Variants in ADD3 observed in about 807,000 individuals in gnomAD.
ADD3 encodes the protein adducin 3, also known as gamma-adducin.
A neutral mutation model predicts 80.2 loss-of-function variants in ADD3; 25 were observed. That is an observed-to-expected ratio of 0.31 (90% CI 0.23 to 0.44). The LOEUF (loss-of-function observed/expected upper bound fraction) is 0.44, where lower values mean the gene tolerates loss of function less well. Ranked by LOEUF, ADD3 falls within the 20% of genes least tolerant of loss-of-function variation. The pLI is 1.00. For synonymous variants in ADD3, 284 were observed against 289.6 expected (o/e 0.98, Z 0.20); for missense variants, 829 against 847.5 (o/e 0.98, Z 0.27).
At chr10:110,126,698 T>C (rs531370619) in intron 12 of ADD3, among the ~76,000 whole-genome samples, 195 bp downstream of exon 12, 7 of 152,346 alleles carry the variant, frequency 4.6e-5, no homozygotes, top group Non-Finnish European at 8.8e-5. Context: ...TTGCTTCTAA[T>C]GTTTACTTTG....
intron 13 of ADD3, among the ~76,000 whole-genome samples, chr10:110,131,726 A>G (rs1321457085): frequency 1.3e-5 from 2 of 152,180 alleles, no homozygotes; most frequent in Admixed American, 1.3e-4. Flanking sequence ...TCTGTTTTTC[A>G]TATTTTGTAA....
At chr10:110,053,302 G>C (rs996411158) in intron 1 of ADD3, among the ~76,000 whole-genome samples, 21 of 151,800 alleles carry the variant, frequency 1.4e-4, no homozygotes, top group African/African-American at 4.6e-4. Flanking sequence ...GGATTTTTTT[G>C]TTGTTGTGGC....
intron 1 of ADD3, among the ~76,000 whole-genome samples, chr10:110,016,246 G>C (rs12571773): frequency 0.27 from 40,426 of 152,086 alleles, 7,832 homozygotes; most frequent in African/African-American, 0.53. Flanking sequence ...TTTCCTTACA[G>C]AACTCAGCCA....
At chr10:110,032,192 T>A (rs1442614969) in intron 1 of ADD3, among the ~76,000 whole-genome samples, 1 of 152,192 alleles carries the variant, frequency 6.6e-6, no homozygotes. Flanking sequence ...AGAATAAGCA[T>A]ATTAAGCTGG....
chr10:110,117,229 G>GT (rs374645445), intron 4 of ADD3, 113 bp from the exon 5 acceptor site: 13,893 of 512,410 alleles, frequency 0.027, no homozygotes, highest in South Asian at 0.031. Flanking sequence ...TGCTTTGTTG[G>GT]TTTTTTTTTT....
chr10:110,069,697 C>T (rs1304610176), intron 1 of ADD3, among the ~76,000 whole-genome samples: 1 of 152,162 alleles, frequency 6.6e-6, no homozygotes, highest in African/African-American at 2.4e-5. Context: ...CTAGAACATT[C>T]TTATGCCTCT....
intron 1 of ADD3, among the ~76,000 whole-genome samples, chr10:110,070,669 A>G (rs551836728): frequency 3.1e-4 from 47 of 152,290 alleles, no homozygotes; most frequent in African/African-American, 1.1e-3. Flanking sequence ...TAGCAAATCT[A>G]TCAACCATTG....
intron 6 of ADD3, 22 bp from the exon 7 acceptor site, chr10:110,119,189 T>C (rs537564625): frequency 1.9e-6 from 3 of 1,612,196 alleles, no homozygotes; most frequent in South Asian, 1.1e-5. Flanking sequence ...TGTGTTATCT[T>C]GGTATGGGCC....
At chr10:110,104,072 A>G (rs1203904494) in intron 2 of ADD3, among the ~76,000 whole-genome samples, 1 of 152,164 alleles carries the variant, frequency 6.6e-6, no homozygotes, top group Non-Finnish European at 1.5e-5. Context: ...CCTTAAGTAC[A>G]GGTCCTGTCA....
At chr10:110,101,659 A>G (rs1027551160) in intron 2 of ADD3, among the ~76,000 whole-genome samples, 2 of 151,344 alleles carry the variant, frequency 1.3e-5, no homozygotes, top group Non-Finnish European at 2.9e-5. Flanking sequence ...AAAAAATTCA[A>G]CTCAAGTGGA....
chr10:110,117,335 T>C lies in ADD3; in HGVS notation c.487-7T>C, dbSNP rs200333587. ...TCATAGTAATTCCCTGTTGTTTTTT[T>C]TTCCAGGTAAGAATAAGTAAGGAGC... On this transcript the variant is annotated splice_region_variant and splice_polypyrimidine_tract_variant and intron_variant, in intron 4 of 14. Transcript: ENST00000356080. The C allele has an allele frequency of 2.0e-5, 31 of 1,540,828 alleles. No individual in the cohort carries two copies. The highest frequency in any genetic ancestry group is 2.8e-5 in the Non-Finnish European group (31 of 1,119,244).
chr10:110,127,673 A>G (rs1301104834), intron 12 of ADD3, among the ~76,000 whole-genome samples: 1 of 152,224 alleles, frequency 6.6e-6, no homozygotes, highest in African/African-American at 2.4e-5. Context: ...GGTGAAAGTC[A>G]ACAGGTAATC....
chr10:110,095,698 G>C (rs1265529730), intron 1 of ADD3, among the ~76,000 whole-genome samples: 1 of 152,136 alleles, frequency 6.6e-6, no homozygotes, highest in Non-Finnish European at 1.5e-5. Context: ...AGTCAAAGAC[G>C]AGAAATAACC....
At chr10:110,049,541 G>A (rs540556238) in intron 1 of ADD3, among the ~76,000 whole-genome samples, 2 of 152,182 alleles carry the variant, frequency 1.3e-5, no homozygotes, top group Non-Finnish European at 2.9e-5. Context: ...TTGCATCAGC[G>A]TGACCTGGAT....
At chr10:110,094,730 G>T (rs1258972621) in intron 1 of ADD3, among the ~76,000 whole-genome samples, 3 of 152,160 alleles carry the variant, frequency 2.0e-5, no homozygotes, top group Non-Finnish European at 4.4e-5. Context: ...AAGGATAGTA[G>T]CTTGTCATAG....
At chr10:110,044,984 C>A (rs555685214) in intron 1 of ADD3, among the ~76,000 whole-genome samples, 1 of 152,194 alleles carries the variant, frequency 6.6e-6, no homozygotes, top group African/African-American at 2.4e-5. Flanking sequence ...TGAGGAAGAA[C>A]GTCAGTTATT....
chr10:110,035,464 G>A (rs900936820), intron 1 of ADD3, among the ~76,000 whole-genome samples: 15 of 152,212 alleles, frequency 9.9e-5, no homozygotes, highest in Non-Finnish European at 1.9e-4. Flanking sequence ...CCATCAGGAA[G>A]CGAAGCAACT....
chr10:110,017,145 G>A (rs1434157201), intron 1 of ADD3, among the ~76,000 whole-genome samples: 3 of 152,198 alleles, frequency 2.0e-5, no homozygotes, highest in Non-Finnish European at 4.4e-5. Context: ...CAAGATTTGA[G>A]GTCAGGGCTA....
rs188377495 is a variant in ADD3, at chr10:110,135,101, A to G, written c.*1483A>G. 1.0e-4 allele frequency: 16 copies of G among 152,416 alleles called. No individual in the cohort carries two copies. Among genetic ancestry groups the G allele is most frequent in the Admixed American group, 2.6e-4 (4 of 15,298 alleles). The allele number at this position is 152,416 out of a possible 1,614,324, so 9.4% of individuals were successfully genotyped here. ...TGGCATGCAAAAAATTACATTGATT[A>G]CAGTGTGTTTTGGAGCTGGCTCTGT... On this transcript the variant is annotated 3_prime_UTR_variant, in exon 15 of 15. Coordinates refer to ENST00000356080, the MANE Select transcript of ADD3 (RefSeq NM_016824.5).
Sources: allele counts gnomAD v4.1 joint callset (sites outside exome capture counted in the v4.1 genomes callset), GRCh38; gene constraint gnomAD v4.1.1; transcripts MANE v1.5; gene names NCBI Gene and HGNC (gene_info 2026-07-23, HGNC 2026-07-21).